HRH1: variants seen among roughly 807,000 people sequenced by gnomAD.
The protein encoded by HRH1 is histamine H1 receptor.
HRH1 carries 6 observed loss-of-function variants against 10.3 expected under a neutral mutation model. The ratio of observed to expected loss-of-function variants is 0.58; its 90% CI spans 0.32 to 1.15. HRH1 has a LOEUF of 1.15. HRH1 is among the 50% of genes most tolerant of loss of function. The pLI, the probability that HRH1 is intolerant of heterozygous loss-of-function variation, is 0.05. For synonymous variants in HRH1, 242 were observed against 236.7 expected (o/e 1.02, Z -0.21); for missense variants, 514 against 615.3 (o/e 0.84, Z 1.74).
At chr3:11,166,353 A>G (rs1390776756) in intron 1 of HRH1, among the ~76,000 whole-genome samples, 1 of 152,204 alleles carries the variant, frequency 6.6e-6, no homozygotes, top group Non-Finnish European at 1.5e-5. Flanking sequence ...CATACCAAAT[A>G]ACTCTCCTCT....
In HRH1 at chr3:11,259,071, G is replaced by A. The variant is rs776093978; in HGVS notation, c.34G>A (p.Asp12Asn). 6.2e-7 allele frequency: 1 copy of A among 1,610,116 alleles called. No individual in the cohort carries two copies. The highest frequency in any genetic ancestry group is 1.7e-5 in the Admixed American group (1 of 59,238). Residue 12 changes from aspartate to asparagine, a missense_variant, in exon 2 of 2, where the codon GAC (aspartate) becomes AAC (asparagine). Physicochemically the swap from Asp to Asn is conservative, Grantham distance 23. Transcript: ENST00000431010. The surrounding 1 kb of genome is among the most constrained non-coding windows in gnomAD (Gnocchi z 4.6). ...CCCCAATTCCTCCTGCCTCTTAGAA[G>A]ACAAGATGTGTGAGGGCAACAAGAC... ...SLPNSSCLLE[D>N]KMCEGNKTTM...
intron 1 of HRH1, among the ~76,000 whole-genome samples, chr3:11,176,357 G>A (rs1937248862): frequency 6.6e-6 from 1 of 152,142 alleles, no homozygotes; most frequent in Admixed American, 6.5e-5. Context: ...GATGCCAGTT[G>A]TGCCCCCCAT....
At chr3:11,144,389 GTA>G (rs1176929931) in intron 1 of HRH1, among the ~76,000 whole-genome samples, 1 of 790 alleles carries the variant, frequency 1.3e-3, no homozygotes, top group Admixed American at 0.023. Context: ...GTCTATATGT[GTA>G]TATATACATA....
At chr3:11,177,123 A>G (rs1041196349) in intron 1 of HRH1, among the ~76,000 whole-genome samples, 3 of 151,684 alleles carry the variant, frequency 2.0e-5, no homozygotes, top group Non-Finnish European at 2.9e-5. Context: ...GGTTGTAGCC[A>G]GGTGCAGTGG....
At chr3:11,200,911 A>G (rs1937879195) in intron 1 of HRH1, among the ~76,000 whole-genome samples, 1 of 152,176 alleles carries the variant, frequency 6.6e-6, no homozygotes. Context: ...CTATGTGCAG[A>G]GCTGTGAAAT....
chr3:11,241,437 TTCTG>T (rs36138630), intron 1 of HRH1, among the ~76,000 whole-genome samples: 20,670 of 152,180 alleles, frequency 0.14, 1,839 homozygotes, highest in Middle Eastern at 0.2. Flanking sequence ...TGGAGAACTT[TTCTG>T]TCTTACAAGA....
At chr3:11,191,701 G>A (rs561094961) in intron 1 of HRH1, among the ~76,000 whole-genome samples, 46 of 152,314 alleles carry the variant, frequency 3.0e-4, no homozygotes, top group African/African-American at 1.0e-3. Context: ...TAAACTAGAG[G>A]AATTAAGTAT....
chr3:11,161,432 C>T (rs553039120), intron 1 of HRH1, among the ~76,000 whole-genome samples: 4 of 152,210 alleles, frequency 2.6e-5, no homozygotes, highest in Admixed American at 6.5e-5. Flanking sequence ...CCCTTGCCCT[C>T]GGCCCAGGTG....
intron 1 of HRH1, among the ~76,000 whole-genome samples, chr3:11,254,029 T>C (rs938501271): frequency 2.6e-5 from 4 of 152,206 alleles, no homozygotes; most frequent in African/African-American, 9.6e-5. Context: ...TTTCTTGTGT[T>C]TGGTCCTTCC....
In HRH1 at chr3:11,189,777, TAAAATA is replaced by T. The variant is rs1301080717; in HGVS notation, c.-36+35238_-36+35243del. Among the ~76,000 whole-genome samples, 185 of 150,092 alleles carry T rather than the reference TAAAATA, an allele frequency of 1.2e-3. 1 individual carries two copies. The highest frequency in any genetic ancestry group is 4.5e-3 in the African/African-American group (182 of 40,870). The stretch of plus-strand genomic sequence containing the variant: ...CATCTCTACTAAAAAAATAAATAAA[TAAAATA>T]AAAATAAAAATAAATAAATAGCCAG... On this transcript the variant is annotated intron_variant, in intron 1 of 1. Coordinates refer to ENST00000431010, the MANE Select transcript of HRH1 (RefSeq NM_001098212.2).
chr3:11,144,554 C>T (rs183168262), intron 1 of HRH1, among the ~76,000 whole-genome samples: 15 of 119,092 alleles, frequency 1.3e-4, no homozygotes, highest in Non-Finnish European at 2.0e-4. Context: ...AGAATAAAAT[C>T]GTGTCTTTTG....
intron 1 of HRH1, among the ~76,000 whole-genome samples, chr3:11,188,643 A>G (rs538329877): frequency 6.6e-6 from 1 of 152,236 alleles, no homozygotes; most frequent in African/African-American, 2.4e-5. Flanking sequence ...AAAATGAGAA[A>G]CACTCTTGAA....
intron 1 of HRH1, among the ~76,000 whole-genome samples, chr3:11,179,949 G>C (rs1453649805): frequency 6.6e-6 from 1 of 151,798 alleles, no homozygotes; most frequent in Non-Finnish European, 1.5e-5. Context: ...TTTTTGTAGA[G>C]ATGGGATCTC....
chr3:11,223,707 A>G (rs2125041147), intron 1 of HRH1, among the ~76,000 whole-genome samples: 1 of 152,338 alleles, frequency 6.6e-6, no homozygotes, highest in Admixed American at 6.5e-5. Context: ...AAATTGTTAC[A>G]TAAACCAGTA....
At chr3:11,158,701 T>C (rs1273207071) in intron 1 of HRH1, among the ~76,000 whole-genome samples, 4 of 152,252 alleles carry the variant, frequency 2.6e-5, no homozygotes, top group African/African-American at 9.6e-5. Context: ...TTATACATTT[T>C]TGATAGAAAA....
intron 1 of HRH1, among the ~76,000 whole-genome samples, chr3:11,141,837 G>A (rs1284313795): frequency 1.3e-5 from 2 of 152,204 alleles, no homozygotes; most frequent in Non-Finnish European, 2.9e-5. Context: ...TATCCTAGAT[G>A]ATGCTATGTA....
rs1424385747 is a variant in HRH1, at chr3:11,260,247, G to A, written c.1210G>A (p.Gly404Arg). The A allele has an allele frequency of 6.2e-7, 1 of 1,614,170 alleles. No individual in the cohort carries two copies. The highest frequency in any genetic ancestry group is 8.5e-7 in the Non-Finnish European group (1 of 1,180,042). ...CTCGCATTCAAGACAGTATGTATCT[G>A]GGTTGCACATGAACCGCGAAAGGAA... is the stretch of plus-strand genomic sequence containing the variant. ...LRSHSRQYVS[G>R]LHMNRERKAA... The change falls in exon 2 of 2, where the codon GGG (glycine) becomes AGG (arginine). Residue 404 changes from glycine to arginine, a missense_variant. Transcript: ENST00000431010.
chr3:11,142,768 G>C (rs917688909), intron 1 of HRH1, among the ~76,000 whole-genome samples: 2 of 152,142 alleles, frequency 1.3e-5, no homozygotes, highest in Non-Finnish European at 2.9e-5. Context: ...CAAAAAATTA[G>C]CTGAGCATGG....
chr3:11,215,306 A>G (rs1938451565), intron 1 of HRH1, among the ~76,000 whole-genome samples: 1 of 152,214 alleles, frequency 6.6e-6, no homozygotes, highest in Non-Finnish European at 1.5e-5. Context: ...ATATAATACA[A>G]CTAGAATAAA....
Sources: gnomAD v4.1 joint callset for allele counts (sites outside exome capture counted in the v4.1 genomes callset) on GRCh38, gnomAD v4.1.1 for gene constraint, Gnocchi (gnomAD v3.1) non-coding constraint, MANE v1.5 for transcripts, NCBI Gene and HGNC (gene_info 2026-07-23, HGNC 2026-07-21) for gene names.